The following SPATA7 variants were observed in gnomAD, a reference collection of about 807,000 sequenced individuals.
SPATA7 encodes spermatogenesis-associated protein 7.
In SPATA7, 43 loss-of-function variants were observed where a neutral mutation model predicts 51.8. The ratio of observed to expected loss-of-function variants is 0.83; its 90% CI spans 0.65 to 1.07. SPATA7 has a LOEUF of 1.07. Among genes scored for constraint, SPATA7 ranks in the 50% least tolerant of loss-of-function variants. The pLI is 0.00. For synonymous variants in SPATA7, 230 were observed against 252.8 expected, an observed-to-expected ratio of 0.91 and a Z score of 0.86; for missense variants, 683 against 701.3, an observed-to-expected ratio of 0.97 and a Z score of 0.30.
chr14:88,398,007 G>A (rs564580714), intron 4 of SPATA7, among the ~76,000 whole-genome samples: 17 of 151,940 alleles, frequency 1.1e-4, no homozygotes, highest in Non-Finnish European at 1.2e-4. Flanking sequence ...GCGTGAACCC[G>A]GGAGGTGGAG....
At chr14:88,452,886 A>G (rs928381268) in intron 3 of SPATA7, among the ~76,000 whole-genome samples, 19 of 152,044 alleles carry the variant, frequency 1.2e-4, no homozygotes, top group African/African-American at 4.6e-4. Context: ...TGTGTCAATC[A>G]CACCTACTCG....
chr14:88,466,933 T>C (rs1482816929), intron 4 of SPATA7: 1 of 152,186 alleles, frequency 6.6e-6, no homozygotes, highest in African/African-American at 2.4e-5. Flanking sequence ...TTAATGATAC[T>C]ATAATGCTGA....
At chr14:88,407,902 A>T (rs2076240287) in intron 4 of SPATA7, among the ~76,000 whole-genome samples, 1 of 152,156 alleles carries the variant, frequency 6.6e-6, no homozygotes, top group African/African-American at 2.4e-5. Flanking sequence ...AGATTTGTCA[A>T]AGATCAGATG....
intron 10 of SPATA7, among the ~76,000 whole-genome samples, chr14:88,435,470 C>T (rs2077059239): frequency 6.6e-6 from 1 of 152,082 alleles, no homozygotes; most frequent in Admixed American, 6.5e-5. Flanking sequence ...TTTAAATGTA[C>T]AATTAAGTTA....
At position 88,451,982 on chromosome 14, in the gene SPATA7, G is replaced by T. The variant is rs111683070; in HGVS notation, c.178-3078G>T. On this transcript the variant is annotated intron_variant, in intron 3 of 3. Coordinates refer to the SPATA7 transcript ENST00000554802. The stretch of plus-strand genomic sequence containing the variant: ...TTGGTGAGCTAGTGTGATCTTTTGG[G>T]GTGTTAAAGAACCTTGTTTTGTCAT... 7.1e-3 allele frequency among the ~76,000 whole-genome samples: 1,074 copies of T among 152,146 alleles called. 13 individuals are homozygous for T. Among genetic ancestry groups the T allele is most frequent in the Middle Eastern group, 0.027 (8 of 294 alleles).
chr14:88,390,227 A>G (rs974389057), intron 1 of SPATA7, among the ~76,000 whole-genome samples: 2 of 151,966 alleles, frequency 1.3e-5, no homozygotes, highest in African/African-American at 2.4e-5. Context: ...GAAGAAATCA[A>G]CTCATACTGG....
In SPATA7 at chr14:88,426,506, T is replaced by C; in HGVS notation, c.647T>C (p.Val216Ala). The C allele has an allele frequency of 3.1e-6, 5 of 1,614,208 alleles. No homozygotes were observed. Among genetic ancestry groups the C allele is most frequent in the East Asian group, 2.2e-5 (1 of 44,882 alleles). Residue 216 changes from valine (V) to alanine (A), a missense_variant, in exon 6 of 12, where the codon GTC (valine) becomes GCC (alanine). Transcript: ENST00000393545. Reference protein sequence around the residue: ...TFPNSHRFQLVISKAPSGDLL... With the variant: ...TFPNSHRFQLAISKAPSGDLL... ...CCAAATTCCCACCGGTTTCAGTTAGTCATTTCGAAAGCACCCAGTGGGGAT... is the reference window on the plus strand; with the variant it reads ...CCAAATTCCCACCGGTTTCAGTTAGCCATTTCGAAAGCACCCAGTGGGGAT...
In SPATA7 at chr14:88,429,376, A is replaced by G. The variant is rs1267394717; in HGVS notation, c.941A>G (p.Lys314Arg). ...QASNCVTYDA[K>R]EKIAPLPLEG... Reference sequence around the variant, plus strand: ...TCTAATTGTGTGACATATGATGCCAAAGAAAAAATAGCTCCTTTACCTTTA... The same window carrying G: ...TCTAATTGTGTGACATATGATGCCAGAGAAAAAATAGCTCCTTTACCTTTA... The change falls in exon 8 of 12, where the codon AAA (lysine) becomes AGA (arginine). Residue 314 changes from lysine (K) to arginine (R), a missense_variant. Physicochemically the swap from Lys to Arg is conservative, Grantham distance 26 (BLOSUM62 2). Coordinates refer to ENST00000393545, the MANE Select transcript of SPATA7 (RefSeq NM_018418.5). 1 of 1,612,258 alleles carries G rather than the reference A, an allele frequency of 6.2e-7. No individual in the cohort carries two copies. Among genetic ancestry groups the G allele is most frequent in the Non-Finnish European group, 8.5e-7 (1 of 1,178,606 alleles).
intron 5 of SPATA7, among the ~76,000 whole-genome samples, chr14:88,425,931 C>G (rs1412265038): frequency 2.6e-5 from 4 of 152,162 alleles, no homozygotes; most frequent in Non-Finnish European, 5.9e-5. Context: ...TCAGATAAAA[C>G]TGACATCTCC....
intron 9 of SPATA7, among the ~76,000 whole-genome samples, chr14:88,431,754 A>AT (rs2076947337): frequency 6.6e-6 from 1 of 152,108 alleles, no homozygotes; most frequent in Non-Finnish European, 1.5e-5. Flanking sequence ...GCATCCATCC[A>AT]TGTTCCATCC....
intron 4 of SPATA7, among the ~76,000 whole-genome samples, chr14:88,408,088 C>T (rs1299045156): frequency 3.3e-5 from 5 of 151,978 alleles, no homozygotes; most frequent in African/African-American, 9.7e-5. Context: ...CTTGGATATA[C>T]GGGCCCTTTT....
At chr14:88,466,251 ATG>A (rs1197605689) in intron 4 of SPATA7, 2 of 152,162 alleles carry the variant, frequency 1.3e-5, no homozygotes, top group Non-Finnish European at 2.9e-5. Flanking sequence ...TTCCTACAAA[ATG>A]TAATTTTTTA....
chr14:88,457,896 A>G (rs574591419), downstream of SPATA7, among the ~76,000 whole-genome samples: 1 of 152,084 alleles, frequency 6.6e-6, no homozygotes, highest in African/African-American at 2.4e-5. Context: ...TTTGAGATAC[A>G]TCCCATCAAT....
intron 5 of SPATA7, among the ~76,000 whole-genome samples, chr14:88,417,660 C>A (rs972053443): frequency 6.6e-6 from 1 of 152,148 alleles, no homozygotes; most frequent in African/African-American, 2.4e-5. Flanking sequence ...TAATGTTAAA[C>A]CAACTTTGCA....
intron 3 of SPATA7, among the ~76,000 whole-genome samples, chr14:88,452,932 A>G (rs755721882): frequency 3.9e-5 from 6 of 152,062 alleles, no homozygotes; most frequent in Admixed American, 3.3e-4. Flanking sequence ...CTCTCTCTCC[A>G]TGTATCTGCT....
At chr14:88,468,417 A>G (rs2077400261) in intron 4 of SPATA7, 1 of 726,112 alleles carries the variant, frequency 1.4e-6, no homozygotes, top group Non-Finnish European at 2.2e-6. Context: ...ATGATTGCCT[A>G]CTTCTGATTT....
downstream of SPATA7, among the ~76,000 whole-genome samples, chr14:88,438,813 A>G (rs148662204): frequency 6.6e-6 from 1 of 152,378 alleles, no homozygotes; most frequent in Non-Finnish European, 1.5e-5. Context: ...TAGGGAAATT[A>G]TAACGTGGCT....
intron 9 of SPATA7, among the ~76,000 whole-genome samples, chr14:88,431,619 T>C (rs531098299): frequency 6.6e-6 from 1 of 152,298 alleles, no homozygotes; most frequent in East Asian, 1.9e-4. Context: ...CATTCCCGTC[T>C]ACCCTTCCCA....
intron 1 of SPATA7, among the ~76,000 whole-genome samples, chr14:88,386,749 G>A (rs2075590704): frequency 1.3e-5 from 2 of 152,018 alleles, no homozygotes; most frequent in East Asian, 1.9e-4. Context: ...CCAATTCAGT[G>A]TTTTTATCTA....
Sources: allele counts gnomAD v4.1 joint callset (sites outside exome capture counted in the v4.1 genomes callset), GRCh38; gene constraint gnomAD v4.1.1; transcripts MANE v1.5; gene names NCBI Gene and HGNC (gene_info 2026-07-23, HGNC 2026-07-21).